Variants in GJA3 observed in about 807,000 individuals in gnomAD.
GJA3 encodes gap junction protein alpha 3.
For missense variants in GJA3, 571 were observed against 620.3 expected, an observed-to-expected ratio of 0.92 and a Z score of 0.84; for synonymous variants, 297 against 292.6, an observed-to-expected ratio of 1.02 and a Z score of -0.15.
chr13:20,138,749 A>G lies in GJA3; in HGVS notation c.*3232T>C, dbSNP rs1958790840. On this transcript the variant is annotated 3_prime_UTR_variant, in exon 2 of 2. Transcript: ENST00000241125. ...CATGCAATACTCTCTATAAGTATTTATTTTGGTGGAGATTCATGAATTAGT... is the reference window on the plus strand; with the variant it reads ...CATGCAATACTCTCTATAAGTATTTGTTTTGGTGGAGATTCATGAATTAGT... The G allele has an allele frequency of 6.6e-6, 1 of 152,222 alleles. No individual in the cohort carries two copies. The highest frequency in any genetic ancestry group is 2.1e-4 in the South Asian group (1 of 4,830). The allele number at this position is 152,222 out of a possible 1,614,324, so 9.4% of individuals were successfully genotyped here. A position where few individuals can be genotyped will look rare whatever the true frequency, so the allele number is the denominator to read the frequency against.
intron 1 of GJA3, among the ~76,000 whole-genome samples, chr13:20,159,309 A>G (rs938075226): frequency 1.3e-5 from 2 of 152,004 alleles, no homozygotes; most frequent in African/African-American, 4.8e-5. Context: ...TGTAAGTACT[A>G]CATAGTACTG....
At position 20,142,258 on chromosome 13, in the gene GJA3, G is replaced by C; in HGVS notation, c.1031C>G (p.Pro344Arg). Reference sequence around the variant, plus strand: ...GGGGGCTGCAGGCGTGGACGCTGCCGGGTAAGCCTTGAGCGCCGGGGGCTG... The same window carrying C: ...GGGGGCTGCAGGCGTGGACGCTGCCCGGTAAGCCTTGAGCGCCGGGGGCTG... ...ERQPPALKAY[P>R]AASTPAAPSP... Residue 344 changes from proline to arginine, a missense_variant, in exon 2 of 2, where the codon CCG becomes CGG. By Grantham distance (103) the Pro-to-Arg change is moderately radical. Coordinates refer to ENST00000241125, the MANE Select transcript of GJA3 (RefSeq NM_021954.4). The C allele has an allele frequency of 6.4e-7, 1 of 1,552,686 alleles. No homozygotes were observed. The highest frequency in any genetic ancestry group is 8.7e-7 in the Non-Finnish European group (1 of 1,153,140).
intron 1 of GJA3, among the ~76,000 whole-genome samples, chr13:20,156,664 A>T (rs1958908691): frequency 6.6e-6 from 1 of 152,218 alleles, no homozygotes; most frequent in Admixed American, 6.5e-5. Context: ...GTGTTAATTT[A>T]AAAAATTGTC....
intron 1 of GJA3, among the ~76,000 whole-genome samples, chr13:20,151,215 G>A (rs1958875268): frequency 6.6e-6 from 1 of 152,112 alleles, no homozygotes; most frequent in Admixed American, 6.5e-5. Context: ...TCTTGTCAGT[G>A]GGGTCAAAGA....
rs190372854 is a variant in GJA3 at position 20,158,989 on chromosome 13, A to T, written c.-18+1901T>A. Among the ~76,000 whole-genome samples the T allele has an allele frequency of 3.2e-4, 48 of 151,498 alleles. 1 individual carries two copies. The highest frequency in any genetic ancestry group is 1.6e-3 in the Admixed American group (25 of 15,238). On this transcript the variant is annotated intron_variant, in intron 1 of 1. Transcript: ENST00000241125. ...GTAGAGTACTAACCTAGTTATCATG[A>T]GGAATTTTCCACCACTGTAGGAATG...
rs1958793732 is a variant in GJA3, at chr13:20,139,248, A to ATG, written c.*2732_*2733insCA. Reference sequence around the variant, plus strand: ...AAGAAGTAATTGTATACAGCAGCTTAAAAACCATGTATGTAAATATAATAC... The same window carrying ATG: ...AAGAAGTAATTGTATACAGCAGCTTATGAAAACCATGTATGTAAATATAATAC... On this transcript the variant is annotated 3_prime_UTR_variant, in exon 2 of 2. Coordinates refer to ENST00000241125, the MANE Select transcript of GJA3 (RefSeq NM_021954.4). 1 of 152,174 alleles carries ATG rather than the reference A, an allele frequency of 6.6e-6. No individual in the cohort carries two copies. The highest frequency in any genetic ancestry group is 1.5e-5 in the Non-Finnish European group (1 of 68,030). The allele number at this position is 152,174 out of a possible 1,614,324, so 9.4% of individuals were successfully genotyped here.
At chr13:20,150,631 G>A (rs1350689217) in intron 1 of GJA3, among the ~76,000 whole-genome samples, 1 of 152,170 alleles carries the variant, frequency 6.6e-6, no homozygotes, top group Non-Finnish European at 1.5e-5. Context: ...TTCTGACCTC[G>A]GGAATACAGG....
intron 1 of GJA3, among the ~76,000 whole-genome samples, chr13:20,154,790 C>T (rs1034882648): frequency 1.3e-5 from 2 of 152,094 alleles, no homozygotes; most frequent in African/African-American, 4.8e-5. Flanking sequence ...TTTTTTCCTC[C>T]ATCTATTGTG....
At position 20,141,684 on chromosome 13, in the gene GJA3, AG is replaced by A. The variant is rs1374210483; in HGVS notation, c.*296del. On this transcript the variant is annotated 3_prime_UTR_variant, in exon 2 of 2. Transcript: ENST00000241125. ...CTACAGAACAGTTACCCCCAGAGAC[AG>A]CCCTCAGCGACCAGATTTCTGGGCT... is the stretch of plus-strand genomic sequence containing the variant. The A allele has an allele frequency of 4.5e-6, 2 of 447,408 alleles. No homozygotes were observed. Among genetic ancestry groups the A allele is most frequent in the Non-Finnish European group, 7.9e-6 (2 of 254,028 alleles). The allele number at this position is 447,408 out of a possible 1,614,324, so 27.7% of individuals were successfully genotyped here.
intron 1 of GJA3, among the ~76,000 whole-genome samples, chr13:20,147,611 C>T (rs1452201097): frequency 6.6e-6 from 1 of 152,170 alleles, no homozygotes; most frequent in Non-Finnish European, 1.5e-5. Flanking sequence ...AACAGTGGTG[C>T]TTCTGAGAAT....
At chr13:20,158,170 T>A (rs1958916611) in intron 1 of GJA3, among the ~76,000 whole-genome samples, 1 of 152,206 alleles carries the variant, frequency 6.6e-6, no homozygotes, top group African/African-American at 2.4e-5. Context: ...AATTCAGATA[T>A]TTTTACTCTT....
chr13:20,146,610 C>T (rs905459266), intron 1 of GJA3, among the ~76,000 whole-genome samples: 1 of 152,244 alleles, frequency 6.6e-6, no homozygotes, highest in Non-Finnish European at 1.5e-5. Flanking sequence ...GTCCCAGAGA[C>T]AGGATGACAC....
intron 1 of GJA3, among the ~76,000 whole-genome samples, chr13:20,158,412 G>C (rs1168145192): frequency 1.3e-5 from 2 of 151,868 alleles, no homozygotes; most frequent in East Asian, 1.9e-4. Flanking sequence ...ACAGGAAATG[G>C]AGTTTCAGGA....
At chr13:20,157,771 A>T (rs765231224) in intron 1 of GJA3, among the ~76,000 whole-genome samples, 1 of 152,082 alleles carries the variant, frequency 6.6e-6, no homozygotes, top group Non-Finnish European at 1.5e-5. Flanking sequence ...TTTTTTTTCC[A>T]GTCCAGACTG....
chr13:20,146,482 C>T (rs1324316225), intron 1 of GJA3, among the ~76,000 whole-genome samples: 1 of 152,200 alleles, frequency 6.6e-6, no homozygotes, highest in African/African-American at 2.4e-5. Context: ...CCAGGGGCTG[C>T]AAAACACTGG....
chr13:20,151,538 A>G (rs1415579724), intron 1 of GJA3, among the ~76,000 whole-genome samples: 1 of 152,166 alleles, frequency 6.6e-6, no homozygotes, highest in Non-Finnish European at 1.5e-5. Flanking sequence ...ACCCCGGAGA[A>G]GTGGAAAGCC....
rs1365998403 is a variant in GJA3, at chr13:20,139,327, A to T, written c.*2654T>A. The T allele has an allele frequency of 6.6e-6, 1 of 152,186 alleles. No homozygotes were observed. The highest frequency in any genetic ancestry group is 1.5e-5 in the Non-Finnish European group (1 of 68,024). The allele number at this position is 152,186 out of a possible 1,614,324, so 9.4% of individuals were successfully genotyped here. On this transcript the variant is annotated 3_prime_UTR_variant, in exon 2 of 2. Transcript: ENST00000241125. ...TTTAAAATAGGCTTAGAGATTTTTT[A>T]AAACTTTCTAATGAATCAAGAACAA...
chr13:20,145,985 G>C (rs1040875085), intron 1 of GJA3, among the ~76,000 whole-genome samples: 5 of 152,206 alleles, frequency 3.3e-5, no homozygotes, highest in Admixed American at 3.3e-4. Context: ...CTTTCCCCTA[G>C]GCCTGGCTCT....
rs1347376632 is a variant in GJA3, at chr13:20,142,139, C to T, written c.1150G>A (p.Gly384Arg). 5 of 1,536,632 alleles carry T rather than the reference C, an allele frequency of 3.3e-6. No homozygotes were observed. Among genetic ancestry groups the T allele is most frequent in the African/African-American group, 1.4e-5 (1 of 72,378 alleles). Residue 384 changes from glycine to arginine, a missense_variant, in exon 2 of 2, where the codon GGG becomes AGG. Coordinates refer to ENST00000241125, the MANE Select transcript of GJA3 (RefSeq NM_021954.4). ...LLDGSGSSLE[G>R]SALAGTPEEE... Reference sequence around the variant, plus strand: ...TCGGGGGTCCCTGCCAGGGCGCTCCCCTCCAGACTGCTGCCGCTCCCATCC... The same window carrying T: ...TCGGGGGTCCCTGCCAGGGCGCTCCTCTCCAGACTGCTGCCGCTCCCATCC...
Sources: allele counts gnomAD v4.1 joint callset (sites outside exome capture counted in the v4.1 genomes callset), GRCh38; gene constraint gnomAD v4.1.1; transcripts MANE v1.5; gene names NCBI Gene and HGNC (gene_info 2026-07-23, HGNC 2026-07-21).